The following APOLD1 variants were observed in gnomAD, a reference collection of about 807,000 sequenced individuals.
APOLD1 encodes apolipoprotein L domain containing 1.
Under a neutral mutation model 15.3 loss-of-function variants are expected in APOLD1, and 22 were observed. The observed-to-expected ratio is 1.44, with a 90% confidence interval of 1.03 to 2.05. APOLD1 has a LOEUF of 2.05. APOLD1 is among the 30% of genes most tolerant of loss of function. The probability of loss-of-function intolerance (pLI) is 0.00; values close to 1 mark genes in which losing one functional copy is unlikely to be tolerated. For missense variants in APOLD1, 394 were observed against 353.5 expected (o/e 1.11, Z -0.92); for synonymous variants, 190 against 167.4 (o/e 1.13, Z -1.04).
chr12:12,761,813 A>T, intron 1 of APOLD1, among the ~76,000 whole-genome samples: 1 of 128,990 alleles, frequency 7.8e-6, no homozygotes, highest in African/African-American at 3.4e-5. Context: ...ATGAACATAT[A>T]CATATATGTA....
rs878999629 is a variant in APOLD1, at chr12:12,789,122, T to A, written c.*1470T>A. On this transcript the variant is annotated 3_prime_UTR_variant, in exon 2 of 2. Transcript: ENST00000356591. Reference sequence around the variant, plus strand: ...TATTTTAAGTTTGTAATTTAATTTTTAATTATTGTTTAGTGTTTGCATTTA... The same window carrying A: ...TATTTTAAGTTTGTAATTTAATTTTAAATTATTGTTTAGTGTTTGCATTTA... The A allele has an allele frequency of 1.3e-5, 2 of 152,270 alleles. No homozygotes were observed. The highest frequency in any genetic ancestry group is 2.9e-5 in the Non-Finnish European group (2 of 68,052). 9.4% of individuals were successfully genotyped at this position (152,270 alleles called of 1,614,324 possible). A position where few individuals can be genotyped will look rare whatever the true frequency, so the allele number is the denominator to read the frequency against.
At chr12:12,753,511 A>T (rs1315146637) in intron 1 of APOLD1, among the ~76,000 whole-genome samples, 4 of 151,602 alleles carry the variant, frequency 2.6e-5, no homozygotes, top group African/African-American at 4.8e-5. Flanking sequence ...AAAAAATAAT[A>T]AAAAAAATTT....
At chr12:12,738,809 T>C (rs1182137355) in intron 1 of APOLD1, among the ~76,000 whole-genome samples, 1 of 152,182 alleles carries the variant, frequency 6.6e-6, no homozygotes, top group African/African-American at 2.4e-5. Flanking sequence ...TGGCTGCAAT[T>C]TGAGGAGGCA....
chr12:12,760,525 G>C (rs1946890127), intron 1 of APOLD1, among the ~76,000 whole-genome samples: 1 of 151,566 alleles, frequency 6.6e-6, no homozygotes, highest in African/African-American at 2.4e-5. Context: ...TATAATCCCA[G>C]CTACTTGGGA....
At chr12:12,773,128 G>A (rs1009024785) in intron 1 of APOLD1, among the ~76,000 whole-genome samples, 1 of 152,048 alleles carries the variant, frequency 6.6e-6, no homozygotes, top group Non-Finnish European at 1.5e-5. Context: ...CAAATTTGTG[G>A]GATGCAGTAA....
At chr12:12,768,296 G>C (rs1946956589) in intron 1 of APOLD1, among the ~76,000 whole-genome samples, 1 of 151,798 alleles carries the variant, frequency 6.6e-6, no homozygotes, top group Non-Finnish European at 1.5e-5. Context: ...AGGTCTCACA[G>C]GGTTTCCATA....
chr12:12,781,298 G>T (rs151065016), upstream of APOLD1, among the ~76,000 whole-genome samples: 270 of 152,144 alleles, frequency 1.8e-3, 10 homozygotes, highest in East Asian at 0.049. Flanking sequence ...CAAAAAATTA[G>T]CCAGGGGTGG....
At chr12:12,764,768 C>A in intron 1 of APOLD1, 1 of 446,362 alleles carries the variant, frequency 2.2e-6, no homozygotes, top group Non-Finnish European at 4.8e-6. Context: ...GGTGTTCTTC[C>A]CCAGGTGGAT....
chr12:12,774,141 T>G (rs772574732), intron 1 of APOLD1, among the ~76,000 whole-genome samples: 3 of 152,162 alleles, frequency 2.0e-5, no homozygotes, highest in Non-Finnish European at 4.4e-5. Flanking sequence ...CACTGTGAAT[T>G]GAATGAAAAG....
At chr12:12,745,765 T>C (rs10845623) in intron 1 of APOLD1, among the ~76,000 whole-genome samples, 62,755 of 151,892 alleles carry the variant, frequency 0.41, 13,710 homozygotes, top group South Asian at 0.51. Flanking sequence ...GCACAAATAG[T>C]TTCAGGTGGG....
In APOLD1 at chr12:12,787,580, G is replaced by T; in HGVS notation, c.675G>T (p.Gln225His). The change falls in exon 2 of 2, where the codon CAG becomes CAT. Residue 225 changes from glutamine (Q) to histidine (H), a missense_variant. By Grantham distance (24) the Gln-to-His change is conservative. Transcript: ENST00000356591. The surrounding 1 kb of genome is among the most constrained non-coding windows in gnomAD (Gnocchi z 4.9). ...GCGAGCAGCTGGAGTCTCGGGTTCAGCTCTGCACCAAGTCCAGTCGTGGCC... is the reference window on the plus strand; with the variant it reads ...GCGAGCAGCTGGAGTCTCGGGTTCATCTCTGCACCAAGTCCAGTCGTGGCC... ...ELSEQLESRV[Q>H]LCTKSSRGHD... 8 of 1,612,796 alleles carry T rather than the reference G, an allele frequency of 5.0e-6. No individual in the cohort carries two copies. Among genetic ancestry groups the T allele is most frequent in the Non-Finnish European group, 5.9e-6 (7 of 1,180,030 alleles).
chr12:12,776,876 T>C (rs927431336), intron 1 of APOLD1, among the ~76,000 whole-genome samples: 8 of 152,152 alleles, frequency 5.3e-5, no homozygotes, highest in Admixed American at 5.2e-4. Flanking sequence ...GAAGTAGATA[T>C]TAACAATGGT....
At chr12:12,746,603 TAAA>T in intron 1 of APOLD1, among the ~76,000 whole-genome samples, 1 of 152,208 alleles carries the variant, frequency 6.6e-6, no homozygotes. Flanking sequence ...TAAAGAATTT[TAAA>T]AAACTATTGG....
chr12:12,746,314 G>A (rs1946764367), intron 1 of APOLD1, among the ~76,000 whole-genome samples: 1 of 152,144 alleles, frequency 6.6e-6, no homozygotes. Flanking sequence ...TGGCCAACAT[G>A]GTGAAACCCT....
intron 1 of APOLD1, among the ~76,000 whole-genome samples, chr12:12,728,665 C>CA (rs58877184): frequency 0.012 from 765 of 62,562 alleles, 77 homozygotes; most frequent in African/African-American, 0.028. Flanking sequence ...GACCCTGTCT[C>CA]AAAAAAAAAA....
rs187288293 is a variant in APOLD1, at chr12:12,767,378, T to A, written c.97-19531T>A. Among the ~76,000 whole-genome samples, 56 of 152,132 alleles carry A rather than the reference T, an allele frequency of 3.7e-4. No individual in the cohort carries two copies. The East Asian group carries it at 0.01, about 28-fold the overall frequency. On this transcript the variant is annotated intron_variant, in intron 1 of 1. Transcript: ENST00000326765. ...AATAAAAATAATACACATTAAAAAA[T>A]TGGCCAGGTGCGGTGGCTCACACCT...
At chr12:12,750,827 T>G (rs1946807744) in intron 1 of APOLD1, among the ~76,000 whole-genome samples, 1 of 151,984 alleles carries the variant, frequency 6.6e-6, no homozygotes. Flanking sequence ...CAGGCTGGAG[T>G]GCAATGGCGT....
chr12:12,764,148 T>G (rs887476345), intron 1 of APOLD1, among the ~76,000 whole-genome samples: 1 of 152,038 alleles, frequency 6.6e-6, no homozygotes, highest in Admixed American at 6.6e-5. Flanking sequence ...TTTTTAGTAG[T>G]GACAGGGTTT....
chr12:12,751,392 C>A (rs1160778449), intron 1 of APOLD1, among the ~76,000 whole-genome samples: 2 of 152,030 alleles, frequency 1.3e-5, no homozygotes, highest in East Asian at 3.9e-4. Context: ...CTCTGTTAAC[C>A]CAAGCTAGAG....
Sources: gnomAD v4.1 joint callset for allele counts (sites outside exome capture counted in the v4.1 genomes callset) on GRCh38, gnomAD v4.1.1 for gene constraint, Gnocchi (gnomAD v3.1) non-coding constraint, MANE v1.5 for transcripts, NCBI Gene and HGNC (gene_info 2026-07-23, HGNC 2026-07-21) for gene names.